The following RADIL variants were observed in gnomAD, a reference collection of about 807,000 sequenced individuals.
RADIL encodes ras-associating and dilute domain-containing protein.
In RADIL, 99 loss-of-function variants were observed where a neutral mutation model predicts 97.6. The observed-to-expected ratio is 1.01, with a 90% CI of 0.86 to 1.20. The LOEUF (loss-of-function observed/expected upper bound fraction) is 1.20, where lower values mean the gene tolerates loss of function less well. RADIL is among the 50% of genes most tolerant of loss of function. RADIL has a pLI of 0.00. For synonymous variants in RADIL, 803 were observed against 691.8 expected (o/e 1.16, Z -2.52); for missense variants, 1,765 against 1,498.9 (o/e 1.18, Z -2.93).
intron 5 of RADIL, among the ~76,000 whole-genome samples, chr7:4,823,198 G>A (rs1782881757): frequency 6.6e-6 from 1 of 152,194 alleles, no homozygotes; most frequent in East Asian, 1.9e-4. Context: ...GCTCACGCCT[G>A]TAATCTCAGC....
chr7:4,832,976 G>C (rs1038795842), intron 4 of RADIL, among the ~76,000 whole-genome samples: 14 of 152,196 alleles, frequency 9.2e-5, no homozygotes, highest in South Asian at 2.1e-4. Context: ...AGTGGGTGCA[G>C]GGGGAAGAGG....
Position 4,814,468 on chromosome 7 carries a change from C to T in RADIL, c.2139+810G>A, listed in dbSNP as rs572505773. 6.6e-6 allele frequency among the ~76,000 whole-genome samples: 1 copy of T among 151,610 alleles called. No individual in the cohort carries two copies. On this transcript the variant is annotated intron_variant, in intron 9 of 14. Transcript: ENST00000399583. This position sits in a 1 kb window ranked among gnomAD's most constrained non-coding sequence, Gnocchi z 4.5. ...CACCATCACAGTACAGCATGTTCAG[C>T]GTTTTCCAGGCAGGAGAGGAAACCA...
chr7:4,822,698 C>T lies in RADIL; in HGVS notation c.1455-144G>A, dbSNP rs1033386974. 10 of 964,758 alleles carry T rather than the reference C, an allele frequency of 1.0e-5. No individual in the cohort carries two copies. The highest frequency in any genetic ancestry group is 8.5e-5 in the South Asian group (5 of 59,042). The allele number at this position is 964,758 out of a possible 1,614,324, so 59.8% of individuals were successfully genotyped here. On this transcript the variant is annotated intron_variant, in intron 5 of 14. Coordinates refer to ENST00000399583, the MANE Select transcript of RADIL (RefSeq NM_018059.5). The surrounding 1 kb of genome is among the most constrained non-coding windows in gnomAD (Gnocchi z 5.3). ...TCAACCTGACACTGCTGGGCGGGGA[C>T]GTTTAACAATACGTGTACCCGCCTG...
chr7:4,868,410 C>G (rs1784178538), intron 2 of RADIL, among the ~76,000 whole-genome samples: 1 of 152,194 alleles, frequency 6.6e-6, no homozygotes, highest in Non-Finnish European at 1.5e-5. Flanking sequence ...GTGGCAGCCT[C>G]TGGATTAGCT....
rs1443351551 is a variant in RADIL, at chr7:4,835,603, T to TGCCGCCTGTGTGGGAGCACC, written c.784-384_784-365dup. Among the ~76,000 whole-genome samples the TGCCGCCTGTGTGGGAGCACC allele has an allele frequency of 9.9e-5, 15 of 151,976 alleles. No individual in the cohort carries two copies. In the South Asian group the frequency reaches 1.2e-3, roughly 13 times the overall value. Reference sequence around the variant, plus strand: ...CATCCCCAAAACTGTGTGGGAGCACTGCCGCCTGTGTGGGAGCACCACCCC... The same window carrying TGCCGCCTGTGTGGGAGCACC: ...CATCCCCAAAACTGTGTGGGAGCACTGCCGCCTGTGTGGGAGCACCGCCGCCTGTGTGGGAGCACCACCCC... On this transcript the variant is annotated intron_variant, in intron 3 of 14. Transcript: ENST00000399583. The surrounding 1 kb of genome is among the most constrained non-coding windows in gnomAD (Gnocchi z 5.8).
At chr7:4,863,466 T>C (rs1784067198) in intron 2 of RADIL, among the ~76,000 whole-genome samples, 1 of 152,228 alleles carries the variant, frequency 6.6e-6, no homozygotes, top group African/African-American at 2.4e-5. Flanking sequence ...AAGCTTGGAA[T>C]GCCTGTGTAG....
In RADIL at chr7:4,821,334, C is replaced by A. The variant is rs1365310567; in HGVS notation, c.1615+1060G>T. Among the ~76,000 whole-genome samples, 3 of 152,212 alleles carry A rather than the reference C, an allele frequency of 2.0e-5. No homozygotes were observed. The highest frequency in any genetic ancestry group is 2.4e-5 in the African/African-American group (1 of 41,462). On this transcript the variant is annotated intron_variant, in intron 6 of 14. Transcript: ENST00000399583. The surrounding 1 kb of genome is among the most constrained non-coding windows in gnomAD (Gnocchi z 5.2). ...AGAACCAAGGCTTCCCATGAGAGGT[C>A]TGGCCCCCAGTTCCCTGGGCCGGCT...
chr7:4,870,920 G>C (rs1377820530), intron 2 of RADIL, among the ~76,000 whole-genome samples: 5 of 152,192 alleles, frequency 3.3e-5, no homozygotes, highest in African/African-American at 4.8e-5. Context: ...CAACAGGGCT[G>C]TCAACGGTGC....
At chr7:4,859,999 A>T (rs369156860) in intron 2 of RADIL, 1 of 1,613,890 alleles carries the variant, frequency 6.2e-7, no homozygotes, top group Non-Finnish European at 8.5e-7. Context: ...TTGGTGATGG[A>T]GAAATGGCAG....
chr7:4,813,914 T>G lies in RADIL; in HGVS notation c.2139+1364A>C, dbSNP rs918347478. Among the ~76,000 whole-genome samples the G allele has an allele frequency of 6.6e-6, 1 of 152,202 alleles. No individual in the cohort carries two copies. The highest frequency in any genetic ancestry group is 1.5e-5 in the Non-Finnish European group (1 of 68,036). On this transcript the variant is annotated intron_variant, in intron 9 of 14. Transcript: ENST00000399583. This position sits in a 1 kb window ranked among gnomAD's most constrained non-coding sequence, Gnocchi z 5.0. ...ATTCCTGAGCCTCTTGGTGGCTTCC[T>G]GTAAACTGGGTTGCTTCTCAGGAGT...
At position 4,799,615 on chromosome 7, in the gene RADIL, A is replaced by G; in HGVS notation, c.3122+15T>C. 6.2e-7 allele frequency: 1 copy of G among 1,605,718 alleles called. No individual in the cohort carries two copies. The highest frequency in any genetic ancestry group is 8.5e-7 in the Non-Finnish European group (1 of 1,175,640). ...ATCTGGGAGAAGGGGCCGGGCGTGC[A>G]TGCGGTGGGGGTACCTCAGGTAGCC... On this transcript the variant is annotated intron_variant, in intron 14 of 14. Coordinates refer to ENST00000399583, the MANE Select transcript of RADIL (RefSeq NM_018059.5).
chr7:4,830,364 G>A (rs533815446), intron 5 of RADIL, among the ~76,000 whole-genome samples: 30 of 151,766 alleles, frequency 2.0e-4, no homozygotes, highest in Non-Finnish European at 3.7e-4. Flanking sequence ...GGGGCTGCAC[G>A]TCTGTATCAG....
At chr7:4,864,076 C>T (rs997601731) in intron 2 of RADIL, among the ~76,000 whole-genome samples, 4 of 152,140 alleles carry the variant, frequency 2.6e-5, no homozygotes, top group Non-Finnish European at 5.9e-5. Context: ...ATAATTAATC[C>T]CATATATTGC....
At chr7:4,850,747 C>T (rs1783689154) in intron 2 of RADIL, among the ~76,000 whole-genome samples, 1 of 152,128 alleles carries the variant, frequency 6.6e-6, no homozygotes, top group East Asian at 1.9e-4. Context: ...GAAAGAGGCC[C>T]CTGAGCTCCA....
intron 2 of RADIL, among the ~76,000 whole-genome samples, chr7:4,848,682 T>TA (rs968843206): frequency 2.5e-4 from 38 of 151,564 alleles, no homozygotes; most frequent in African/African-American, 9.2e-4. Flanking sequence ...ATTATTAATT[T>TA]AAAAAAAAAC....
intron 2 of RADIL, among the ~76,000 whole-genome samples, chr7:4,866,138 G>A (rs73318108): frequency 0.023 from 3,470 of 152,244 alleles, 142 homozygotes; most frequent in African/African-American, 0.08. Context: ...GCGTGTGCAT[G>A]TGCGTGTGCA....
In RADIL at chr7:4,836,545, G is replaced by A. The variant is rs1783305128; in HGVS notation, c.596C>T (p.Ala199Val). 6.2e-7 allele frequency: 1 copy of A among 1,607,876 alleles called. No homozygotes were observed. The highest frequency in any genetic ancestry group is 2.2e-5 in the East Asian group (1 of 44,862). Residue 199 changes from alanine to valine, a missense_variant, in exon 3 of 15, where the codon GCC (alanine) becomes GTC (valine). Transcript: ENST00000399583. ...AGGAGAGCTCCGGGCATCCCCCAGGGCCGGGGTCGGGGTTCCCTTCGCGCG... is the reference window on the plus strand; with the variant it reads ...AGGAGAGCTCCGGGCATCCCCCAGGACCGGGGTCGGGGTTCCCTTCGCGCG... ...RSRAKGTPTP[A>V]LGDARSSPPP...
At position 4,822,487 on chromosome 7, in the gene RADIL, A is replaced by T. The variant is rs1249866930; in HGVS notation, c.1522T>A (p.Phe508Ile). ...AGCTCGATGGAGTTAGACATCCAGAAAAGAATGGGCTGCAAGTCTGGAACC... is the reference window on the plus strand; with the variant it reads ...AGCTCGATGGAGTTAGACATCCAGATAAGAATGGGCTGCAAGTCTGGAACC... ...DLVPDLQPIL[F>I]WMSNSIELLY... Residue 508 changes from phenylalanine to isoleucine, a missense_variant, in exon 6 of 15, where the codon TTC becomes ATC. Physicochemically the swap from Phe to Ile is conservative, Grantham distance 21 (BLOSUM62 0). Transcript: ENST00000399583. The surrounding 1 kb of genome is among the most constrained non-coding windows in gnomAD (Gnocchi z 5.3). The T allele has an allele frequency of 6.2e-7, 1 of 1,612,982 alleles. No homozygotes were observed. Among genetic ancestry groups the T allele is most frequent in the Non-Finnish European group, 8.5e-7 (1 of 1,180,008 alleles).
intron 2 of RADIL, among the ~76,000 whole-genome samples, chr7:4,841,654 A>G (rs1297450541): frequency 6.6e-6 from 1 of 152,208 alleles, no homozygotes; most frequent in African/African-American, 2.4e-5. Context: ...GGTAACTGGG[A>G]CCTTGGTGGG....
Sources: allele counts gnomAD v4.1 joint callset (sites outside exome capture counted in the v4.1 genomes callset), GRCh38; gene constraint gnomAD v4.1.1; non-coding constraint Gnocchi (gnomAD v3.1); transcripts MANE v1.5; gene names NCBI Gene and HGNC (gene_info 2026-07-23, HGNC 2026-07-21).